The following ZNF670 variants were observed in gnomAD, a reference collection of about 807,000 sequenced individuals.
The protein encoded by ZNF670 is zinc finger protein 670.
A neutral mutation model predicts 10.9 loss-of-function variants in ZNF670; 7 were observed. The observed-to-expected ratio is 0.64, with a 90% confidence interval of 0.36 to 1.20. The LOEUF is 1.20. Among genes scored for constraint, ZNF670 ranks in the 50% most tolerant of loss-of-function variants. ZNF670 has a pLI of 0.02. For synonymous variants in ZNF670, 136 were observed against 152.7 expected (o/e 0.89, Z 0.81); for missense variants, 446 against 458.6 (o/e 0.97, Z 0.25).
chr1:247,059,155 C>CA (rs1386840998), intron 1 of ZNF670, among the ~76,000 whole-genome samples: 1 of 151,910 alleles, frequency 6.6e-6, no homozygotes, highest in African/African-American at 2.4e-5. Flanking sequence ...AAAATACACA[C>CA]CCCAGGCTGG....
chr1:247,051,566 A>G (rs1670596186), intron 1 of ZNF670, among the ~76,000 whole-genome samples: 1 of 152,126 alleles, frequency 6.6e-6, no homozygotes, highest in Non-Finnish European at 1.5e-5. Context: ...TCTTAATTTT[A>G]GATAACCTGA....
At chr1:247,042,136 G>A (rs1670325016) in intron 1 of ZNF670, among the ~76,000 whole-genome samples, 1 of 152,160 alleles carries the variant, frequency 6.6e-6, no homozygotes, top group African/African-American at 2.4e-5. Context: ...TAATTAAAAT[G>A]TAAAAGAACA....
chr1:247,064,713 C>T (rs909875006), intron 1 of ZNF670, among the ~76,000 whole-genome samples: 4 of 152,330 alleles, frequency 2.6e-5, no homozygotes, highest in African/African-American at 9.6e-5. Context: ...GGAGCCAGAC[C>T]TCTGCAATTC....
Position 247,035,152 on chromosome 1 carries a change from T to C in ZNF670, c.*2297A>G, listed in dbSNP as rs368982343. On this transcript the variant is annotated 3_prime_UTR_variant, in exon 4 of 4. Coordinates refer to ENST00000366503, the MANE Select transcript of ZNF670 (RefSeq NM_033213.5). ...AAGCAGGTAGTTAAAGCTGAAAAGA[T>C]ATCATCAGTCATGGTTGGTTCATTC... Among the ~76,000 whole-genome samples the C allele has an allele frequency of 3.3e-5, 5 of 152,356 alleles. No individual in the cohort carries two copies. The highest frequency in any genetic ancestry group is 3.4e-3 in the Middle Eastern group (1 of 294).
intron 1 of ZNF670, among the ~76,000 whole-genome samples, chr1:247,067,550 G>T (rs1037809078): frequency 2.7e-5 from 4 of 150,696 alleles, no homozygotes; most frequent in African/African-American, 9.8e-5. Flanking sequence ...AAGTTAAAAA[G>T]CTCCAGCACA....
intron 2 of ZNF670, among the ~76,000 whole-genome samples, chr1:247,039,186 G>A (rs530504730): frequency 1.2e-4 from 18 of 150,972 alleles, no homozygotes; most frequent in African/African-American, 4.1e-4. Context: ...AGGCTCCCAA[G>A]TAGCTGGGAT....
In ZNF670 at chr1:247,037,739, T is replaced by C. The variant is rs1214640810; in HGVS notation, c.880A>G (p.Arg294Gly). Residue 294 changes from arginine to glycine, a missense_variant, in exon 4 of 4, where the codon AGA (arginine) becomes GGA (glycine). Coordinates refer to ENST00000366503, the MANE Select transcript of ZNF670 (RefSeq NM_033213.5). ...IKCGKAFRCS[R>G]VLRVHERTHS... ...GTCCTTTCATGGACTCTGAGGACTC[T>C]GGAACATCTAAAGGCTTTGCCACAT... is the stretch of plus-strand genomic sequence containing the variant. 2 of 1,613,966 alleles carry C rather than the reference T, an allele frequency of 1.2e-6. No individual in the cohort carries two copies. The highest frequency in any genetic ancestry group is 2.7e-5 in the African/African-American group (2 of 74,942).
intron 1 of ZNF670, among the ~76,000 whole-genome samples, chr1:247,054,688 T>C (rs1670676719): frequency 6.6e-6 from 1 of 152,198 alleles, no homozygotes; most frequent in Non-Finnish European, 1.5e-5. Flanking sequence ...TTTGGTGACA[T>C]TCTGAGATGT....
intron 1 of ZNF670, among the ~76,000 whole-genome samples, chr1:247,054,009 A>G (rs539912158): frequency 2.0e-5 from 3 of 152,352 alleles, no homozygotes; most frequent in African/African-American, 7.2e-5. Context: ...CATAGCATAG[A>G]GAATCTGTGT....
At chr1:247,075,353 C>T (rs1273578584) in intron 1 of ZNF670, among the ~76,000 whole-genome samples, 1 of 152,136 alleles carries the variant, frequency 6.6e-6, no homozygotes, top group Non-Finnish European at 1.5e-5. Context: ...TTATAATTCA[C>T]CAATTTATCT....
chr1:247,042,507 C>A (rs953043411), intron 1 of ZNF670, among the ~76,000 whole-genome samples: 1 of 152,136 alleles, frequency 6.6e-6, no homozygotes, highest in African/African-American at 2.4e-5. Flanking sequence ...AGGAGCCAGG[C>A]CTGTGTTTTC....
At chr1:247,050,536 C>T (rs6426211) in intron 1 of ZNF670, among the ~76,000 whole-genome samples, 49,522 of 150,138 alleles carry the variant, frequency 0.33, 9,033 homozygotes, top group African/African-American at 0.47. Flanking sequence ...AGTGCAGTGG[C>T]ACCATCTCAG....
intron 1 of ZNF670, among the ~76,000 whole-genome samples, chr1:247,045,495 A>G (rs1048246814): frequency 2.0e-5 from 3 of 152,114 alleles, no homozygotes; most frequent in African/African-American, 7.2e-5. Context: ...CTCTCTCACC[A>G]TGTGGCTTGC....
intron 1 of ZNF670, among the ~76,000 whole-genome samples, chr1:247,059,800 G>T (rs1484799919): frequency 6.6e-6 from 1 of 152,148 alleles, no homozygotes; most frequent in Admixed American, 6.5e-5. Context: ...GAGCTAATGA[G>T]ATTATAGCAA....
intron 1 of ZNF670, chr1:247,043,493 A>C: frequency 1.5e-6 from 1 of 652,858 alleles, no homozygotes. Context: ...TATTCTCAAA[A>C]ATAACAAAAG....
chr1:247,036,462 A>G lies in ZNF670; in HGVS notation c.*987T>C, dbSNP rs897483074. Among the ~76,000 whole-genome samples, 3 of 152,144 alleles carry G rather than the reference A, an allele frequency of 2.0e-5. No homozygotes were observed. The highest frequency in any genetic ancestry group is 7.2e-5 in the African/African-American group (3 of 41,432). ...GAGGCCAGGAATTCAATACCAGCCT[A>G]GACAATACAGCGAGATCCCATCTCT... On this transcript the variant is annotated 3_prime_UTR_variant, in exon 4 of 4. Transcript: ENST00000366503.
chr1:247,075,635 A>C (rs1184107734), intron 1 of ZNF670, among the ~76,000 whole-genome samples: 1 of 151,452 alleles, frequency 6.6e-6, no homozygotes, highest in Non-Finnish European at 1.5e-5. Flanking sequence ...TTCCCTGCAC[A>C]AGCTCTCTCT....
intron 1 of ZNF670, among the ~76,000 whole-genome samples, chr1:247,045,490 T>C (rs777709817): frequency 4.9e-4 from 74 of 152,260 alleles, no homozygotes; most frequent in South Asian, 1.0e-3. Flanking sequence ...ACTCCCTCTC[T>C]CACCATGTGG....
At chr1:247,063,768 TC>T (rs200546750) in intron 1 of ZNF670, among the ~76,000 whole-genome samples, 2,888 of 152,112 alleles carry the variant, frequency 0.019, 41 homozygotes, top group Non-Finnish European at 0.025. Flanking sequence ...CAACTACCCC[TC>T]CACACAAACC....
Sources: allele counts gnomAD v4.1 joint callset (sites outside exome capture counted in the v4.1 genomes callset), GRCh38; gene constraint gnomAD v4.1.1; transcripts MANE v1.5; gene names NCBI Gene and HGNC (gene_info 2026-07-23, HGNC 2026-07-21).